The following PHF20 variants were observed in gnomAD, a reference collection of about 807,000 sequenced individuals.
The protein encoded by PHF20 is PHD finger protein 20, also known as glioma-expressed antigen 2.
PHF20 carries 23 observed loss-of-function variants against 113.5 expected under a neutral mutation model. That is an observed-to-expected ratio of 0.20 (90% CI 0.15 to 0.29). The LOEUF is 0.29. PHF20 is among the 10% of genes least tolerant of loss of function. The pLI is 1.00. For missense variants in PHF20, 943 were observed against 1,219.6 expected, an observed-to-expected ratio of 0.77 and a Z score of 3.38; for synonymous variants, 434 against 457.3, an observed-to-expected ratio of 0.95 and a Z score of 0.65.
At chr20:35,875,900 A>G (rs1314307675) in intron 9 of PHF20, among the ~76,000 whole-genome samples, 3 of 152,240 alleles carry the variant, frequency 2.0e-5, no homozygotes, top group African/African-American at 2.4e-5. Flanking sequence ...GTCTTGGGCT[A>G]TACTTTTTCC....
chr20:35,823,036 ATTG>A, intron 2 of PHF20, among the ~76,000 whole-genome samples: 1 of 151,982 alleles, frequency 6.6e-6, no homozygotes, highest in African/African-American at 2.4e-5. Context: ...CTGGTGTTGT[ATTG>A]TTTATGGATT....
At chr20:35,935,285 G>A (rs938780516) in intron 15 of PHF20, among the ~76,000 whole-genome samples, 1 of 152,082 alleles carries the variant, frequency 6.6e-6, no homozygotes, top group East Asian at 1.9e-4. Flanking sequence ...TCATTTGAGG[G>A]TTCTGTCAGA....
At chr20:35,811,468 G>A (rs1006718506) in intron 2 of PHF20, among the ~76,000 whole-genome samples, 2 of 149,466 alleles carry the variant, frequency 1.3e-5, no homozygotes, top group African/African-American at 4.9e-5. Flanking sequence ...TTGAGATGGA[G>A]TTTTGCTTTT....
At chr20:35,811,790 A>T (rs1474307743) in intron 2 of PHF20, among the ~76,000 whole-genome samples, 3 of 149,630 alleles carry the variant, frequency 2.0e-5, no homozygotes, top group Non-Finnish European at 4.4e-5. Context: ...AATTTTTTTG[A>T]GACGGAGTCT....
chr20:35,899,863 G>A lies in PHF20; in HGVS notation c.1561+215G>A, dbSNP rs376242217. Among the ~76,000 whole-genome samples the A allele has an allele frequency of 7.2e-5, 11 of 152,252 alleles. No individual in the cohort carries two copies. In the East Asian group the frequency reaches 1.9e-3, roughly 27 times the overall value. On this transcript the variant is annotated intron_variant, in intron 10 of 17. Transcript: ENST00000374012. ...TAACTGAGAATTACCTTGAAAAATC[G>A]CTTAGCCTCTGAAGGCCTTGCTGCT...
chr20:35,818,728 A>G (rs2042117910), intron 2 of PHF20, among the ~76,000 whole-genome samples: 1 of 151,744 alleles, frequency 6.6e-6, no homozygotes. Flanking sequence ...ATAGAGACTG[A>G]GTCTCGCTGT....
At chr20:35,873,068 GT>G (rs1273023200) in intron 9 of PHF20, among the ~76,000 whole-genome samples, 1 of 150,850 alleles carries the variant, frequency 6.6e-6, no homozygotes, top group African/African-American at 2.4e-5. Flanking sequence ...TTTGCTTTGT[GT>G]ATTTTGAAGA....
chr20:35,830,251 AT>A (rs2042336908), intron 2 of PHF20, among the ~76,000 whole-genome samples: 1 of 152,100 alleles, frequency 6.6e-6, no homozygotes, highest in Non-Finnish European at 1.5e-5. Context: ...CCCTGTATCT[AT>A]TAATCAGCAA....
intron 10 of PHF20, among the ~76,000 whole-genome samples, chr20:35,910,661 C>T (rs1328331943): frequency 2.0e-5 from 3 of 151,848 alleles, no homozygotes; most frequent in Non-Finnish European, 4.4e-5. Flanking sequence ...GATGGAGTCG[C>T]TGTGTTGCCC....
At chr20:35,786,753 A>T (rs1439403403) in intron 1 of PHF20, among the ~76,000 whole-genome samples, 2 of 152,146 alleles carry the variant, frequency 1.3e-5, no homozygotes, top group Non-Finnish European at 2.9e-5. Flanking sequence ...TAGAGTATTG[A>T]TAGATTGGAG....
chr20:35,794,390 G>A (rs558433521), intron 1 of PHF20, among the ~76,000 whole-genome samples: 2 of 152,002 alleles, frequency 1.3e-5, no homozygotes, highest in South Asian at 2.1e-4. Context: ...AACAGGGTCC[G>A]GGTGCCTTGT....
At chr20:35,877,439 T>A (rs1053225294) in intron 9 of PHF20, among the ~76,000 whole-genome samples, 1 of 151,638 alleles carries the variant, frequency 6.6e-6, no homozygotes, top group Admixed American at 6.6e-5. Context: ...CTTTTCTTTT[T>A]TTTCTTTTTT....
chr20:35,920,041 A>G (rs555544563), intron 13 of PHF20, among the ~76,000 whole-genome samples: 13 of 152,334 alleles, frequency 8.5e-5, no homozygotes, highest in African/African-American at 2.9e-4. Context: ...TGCTTTCATT[A>G]CAAGTACAGC....
intron 2 of PHF20, among the ~76,000 whole-genome samples, chr20:35,804,710 A>T (rs1257515605): frequency 6.6e-6 from 1 of 151,474 alleles, no homozygotes; most frequent in African/African-American, 2.4e-5. Flanking sequence ...ATTTTTTTTT[A>T]AATGGGTGCT....
intron 4 of PHF20, chr20:35,850,853 C>T: frequency 8.6e-7 from 1 of 1,159,182 alleles, no homozygotes; most frequent in East Asian, 2.7e-5. Flanking sequence ...TCTGCCTTGC[C>T]ATTGTTTGCT....
At chr20:35,823,573 G>A (rs1308510935) in intron 2 of PHF20, among the ~76,000 whole-genome samples, 1 of 144,556 alleles carries the variant, frequency 6.9e-6, no homozygotes, top group African/African-American at 2.6e-5. Context: ...GCTGCAGCAA[G>A]CTGTGATTGT....
chr20:35,778,303 C>T (rs1484289755), intron 1 of PHF20, among the ~76,000 whole-genome samples: 2 of 152,072 alleles, frequency 1.3e-5, no homozygotes, highest in African/African-American at 4.8e-5. Flanking sequence ...TAAGCTGGGA[C>T]ATTTTTCTTG....
intron 3 of PHF20, chr20:35,845,417 G>A: frequency 2.5e-6 from 1 of 395,024 alleles, no homozygotes; most frequent in Non-Finnish European, 5.2e-6. Context: ...CCAGTCTGAA[G>A]TGCAGTGGTG....
At chr20:35,823,350 C>T (rs762475022) in intron 2 of PHF20, among the ~76,000 whole-genome samples, 1 of 150,576 alleles carries the variant, frequency 6.6e-6, no homozygotes, top group Non-Finnish European at 1.5e-5. Flanking sequence ...CCTATAATCC[C>T]AGCACCTTGG....
Sources: gnomAD v4.1 joint callset for allele counts (sites outside exome capture counted in the v4.1 genomes callset) on GRCh38, gnomAD v4.1.1 for gene constraint, MANE v1.5 for transcripts, NCBI Gene and HGNC (gene_info 2026-07-23, HGNC 2026-07-21) for gene names.